DLG2: variants seen among roughly 807,000 people sequenced by gnomAD.
The protein encoded by DLG2 is discs large MAGUK scaffold protein 2, also known as disks large homolog 2.
A neutral mutation model predicts 132.5 loss-of-function variants in DLG2; 45 were observed. That is an observed-to-expected ratio of 0.34 (90% CI 0.27 to 0.44). The LOEUF is 0.44. DLG2 is among the 20% of genes least tolerant of loss of function. The probability of loss-of-function intolerance (pLI) is 1.00; values close to 1 mark genes in which losing one functional copy is unlikely to be tolerated. For missense variants in DLG2, 1,045 were observed against 1,196.9 expected, an observed-to-expected ratio of 0.87 and a Z score of 1.87; for synonymous variants, 424 against 419.6, an observed-to-expected ratio of 1.01 and a Z score of -0.13.
intron 3 of DLG2, among the ~76,000 whole-genome samples, chr11:85,439,334 T>C (rs2091654019): frequency 2.0e-5 from 3 of 151,860 alleles, no homozygotes; most frequent in Admixed American, 2.0e-4. Flanking sequence ...ACTTTATTAC[T>C]TTTAGGCTTC....
intron 6 of DLG2, among the ~76,000 whole-genome samples, chr11:84,777,395 T>C (rs1193294097): frequency 4.0e-5 from 6 of 148,336 alleles, no homozygotes; most frequent in African/African-American, 1.2e-4. Context: ...TTGTGAATAG[T>C]GCTGTGATAA....
chr11:83,908,740 A>T (rs2075499539), intron 15 of DLG2, among the ~76,000 whole-genome samples: 2 of 147,720 alleles, frequency 1.4e-5, no homozygotes, highest in African/African-American at 2.5e-5. Context: ...AATATGCAGC[A>T]TTTTTTTTTT....
At chr11:84,474,866 T>C (rs1448721064) in intron 7 of DLG2, among the ~76,000 whole-genome samples, 11 of 152,122 alleles carry the variant, frequency 7.2e-5, no homozygotes, top group African/African-American at 2.4e-4. Context: ...GGAGGTCATA[T>C]TAACTTCTAA....
chr11:85,387,635 C>T (rs1596768402), intron 3 of DLG2, among the ~76,000 whole-genome samples: 1 of 152,250 alleles, frequency 6.6e-6, no homozygotes, highest in East Asian at 1.9e-4. Context: ...TTTAGGACCT[C>T]AATAATGGAT....
chr11:84,832,397 A>G (rs1027443877), intron 6 of DLG2, among the ~76,000 whole-genome samples: 9 of 151,664 alleles, frequency 5.9e-5, no homozygotes, highest in Admixed American at 2.6e-4. Context: ...AGTAGGACAA[A>G]CAAAAGCCTG....
rs573205225 is a variant in DLG2 at position 84,745,046 on chromosome 11, T to C, written c.358-210315A>G. Among the ~76,000 whole-genome samples the C allele has an allele frequency of 1.1e-4, 16 of 150,460 alleles. No homozygotes were observed. The South Asian group carries it at 2.7e-3, about 26-fold the overall frequency. On this transcript the variant is annotated intron_variant, in intron 6 of 27. Transcript: ENST00000376104. ...AAGGTGAAAAAAAAAACCCTGAAAA[T>C]ACTAATAGTTATACCGACAGTTCAC...
intron 6 of DLG2, among the ~76,000 whole-genome samples, chr11:85,003,005 T>C (rs2058346392): frequency 6.6e-6 from 1 of 152,110 alleles, no homozygotes; most frequent in Non-Finnish European, 1.5e-5. Context: ...GTTAATATAG[T>C]ATTTATATTA....
At chr11:84,410,999 G>A (rs921308141) in intron 7 of DLG2, among the ~76,000 whole-genome samples, 2 of 152,078 alleles carry the variant, frequency 1.3e-5, no homozygotes, top group African/African-American at 4.8e-5. Flanking sequence ...AACAGTGACT[G>A]CTAATTTCTA....
At chr11:84,889,562 C>T (rs2088961832) in intron 6 of DLG2, among the ~76,000 whole-genome samples, 1 of 152,100 alleles carries the variant, frequency 6.6e-6, no homozygotes, top group Non-Finnish European at 1.5e-5. Context: ...AAATGTTCAG[C>T]AGGGTAAATA....
At chr11:84,469,356 T>C (rs1475092629) in intron 7 of DLG2, among the ~76,000 whole-genome samples, 1 of 151,526 alleles carries the variant, frequency 6.6e-6, no homozygotes, top group Non-Finnish European at 1.5e-5. Flanking sequence ...TCTATACCTA[T>C]CCATAAAACA....
At chr11:84,885,157 C>T (rs1460257370) in intron 6 of DLG2, among the ~76,000 whole-genome samples, 1 of 152,054 alleles carries the variant, frequency 6.6e-6, no homozygotes, top group Non-Finnish European at 1.5e-5. Flanking sequence ...TATCCATTAA[C>T]CTCACAGAGA....
At chr11:84,882,240 C>A (rs1393071630) in intron 6 of DLG2, among the ~76,000 whole-genome samples, 2 of 151,884 alleles carry the variant, frequency 1.3e-5, no homozygotes, top group Non-Finnish European at 2.9e-5. Context: ...ATCATACTCC[C>A]AAGGCACAGC....
intron 7 of DLG2, among the ~76,000 whole-genome samples, chr11:84,394,605 GA>G (rs2098804644): frequency 6.6e-6 from 1 of 151,818 alleles, no homozygotes; most frequent in Non-Finnish European, 1.5e-5. Flanking sequence ...ATCAATTCTA[GA>G]AACCTCTTGC....
chr11:85,346,259 C>G (rs978216586), intron 3 of DLG2, among the ~76,000 whole-genome samples: 2 of 151,610 alleles, frequency 1.3e-5, no homozygotes, highest in African/African-American at 4.9e-5. Flanking sequence ...GCTATCTCGG[C>G]TCACTGCAAG....
In DLG2 at chr11:85,369,129, C is replaced by T. The variant is rs946338227; in HGVS notation, c.41-83764G>A. Among the ~76,000 whole-genome samples the T allele has an allele frequency of 5.3e-5, 8 of 152,010 alleles. No individual in the cohort carries two copies. In the East Asian group the frequency reaches 5.8e-4, roughly 11 times the overall value. ...ACTACTGAGGGTGGGGGAAACAAGC[C>T]GCCAAGCCCTGTCACTCTTGGGGGT... On this transcript the variant is annotated intron_variant, in intron 3 of 27. Transcript: ENST00000376104.
In DLG2 at chr11:85,027,247, A is replaced by T. The variant is rs760202328; in HGVS notation, c.357+84414T>A. ...AAGAACTAAGATATAAAACTGTTAA[A>T]TACACATATGATATACACATACATC... On this transcript the variant is annotated intron_variant, in intron 6 of 27. Coordinates refer to ENST00000376104, the MANE Select transcript of DLG2 (RefSeq NM_001142699.3). 1.8e-4 allele frequency among the ~76,000 whole-genome samples: 26 copies of T among 148,162 alleles called. No homozygotes were observed. The South Asian group carries it at 1.9e-3, about 11-fold the overall frequency.
At chr11:84,502,342 CTTTCTTTCTT>C in intron 7 of DLG2, among the ~76,000 whole-genome samples, 1 of 37,834 alleles carries the variant, frequency 2.6e-5, no homozygotes. Context: ...TTCTTTCTTT[CTTTCTTTCTT>C]TCTTTCTTTC....
chr11:85,006,223 A>C (rs1052130015), intron 6 of DLG2, among the ~76,000 whole-genome samples: 5 of 152,204 alleles, frequency 3.3e-5, no homozygotes, highest in African/African-American at 1.2e-4. Flanking sequence ...TTTTGCTATC[A>C]GGATGATGCT....
intron 16 of DLG2, among the ~76,000 whole-genome samples, chr11:83,847,834 G>T (rs2058919015): frequency 6.6e-6 from 1 of 152,122 alleles, no homozygotes; most frequent in South Asian, 2.1e-4. Context: ...TGGCTCTATT[G>T]TTAGGTCCTC....
Sources: allele counts gnomAD v4.1 joint callset (sites outside exome capture counted in the v4.1 genomes callset), GRCh38; gene constraint gnomAD v4.1.1; transcripts MANE v1.5; gene names NCBI Gene and HGNC (gene_info 2026-07-23, HGNC 2026-07-21).